Variants in NTRK2 observed in about 807,000 individuals in gnomAD.
NTRK2 encodes neurotrophic receptor tyrosine kinase 2.
A neutral mutation model predicts 94.5 loss-of-function variants in NTRK2; 13 were observed. The observed-to-expected ratio is 0.14, with a 90% CI of 0.09 to 0.22. The LOEUF (loss-of-function observed/expected upper bound fraction) is 0.22. Ranked by LOEUF, NTRK2 falls within the 10% of genes least tolerant of loss-of-function variation. The pLI is 1.00. For synonymous variants in NTRK2, 372 were observed against 407.4 expected (o/e 0.91, Z 1.05); for missense variants, 639 against 1,071.2 (o/e 0.60, Z 5.63).
intron 16 of NTRK2, among the ~76,000 whole-genome samples, chr9:84,949,624 T>G (rs780273990): frequency 1.3e-5 from 2 of 152,092 alleles, no homozygotes; most frequent in African/African-American, 2.4e-5. Context: ...TGTGCCACCA[T>G]GTCTGGTAAT....
chr9:84,773,767 T>G (rs528657208), intron 12 of NTRK2, among the ~76,000 whole-genome samples: 3 of 152,160 alleles, frequency 2.0e-5, no homozygotes, highest in Admixed American at 6.5e-5. Flanking sequence ...AAAGCATCTT[T>G]TTTTTCCCCT....
intron 12 of NTRK2, among the ~76,000 whole-genome samples, chr9:84,822,716 G>A (rs1390868264): frequency 1.3e-5 from 2 of 152,178 alleles, no homozygotes; most frequent in African/African-American, 4.8e-5. Context: ...TCAGCCATCA[G>A]AAGACTTCCT....
At chr9:84,882,697 A>AGTGTGTGTGTGTGTGT (rs71847053) in intron 14 of NTRK2, among the ~76,000 whole-genome samples, 3 of 149,706 alleles carry the variant, frequency 2.0e-5, no homozygotes, top group African/African-American at 7.4e-5. Context: ...CTTTTGTTCT[A>AGTGTGTGTGTGTGTGT]GTGTGTGTGT....
At chr9:84,919,517 G>A (rs1036310480) in intron 14 of NTRK2, among the ~76,000 whole-genome samples, 5 of 152,120 alleles carry the variant, frequency 3.3e-5, no homozygotes, top group Non-Finnish European at 7.4e-5. Context: ...ATGGGCCCTT[G>A]ACCTCTTTAA....
intron 14 of NTRK2, among the ~76,000 whole-genome samples, chr9:84,886,279 A>G (rs1245116692): frequency 1.3e-5 from 2 of 152,184 alleles, no homozygotes; most frequent in Non-Finnish European, 2.9e-5. Context: ...CATGAGGTTG[A>G]TGTTGTCTTC....
At chr9:84,866,757 T>C (rs1258220183) in intron 13 of NTRK2, among the ~76,000 whole-genome samples, 1 of 152,194 alleles carries the variant, frequency 6.6e-6, no homozygotes, top group East Asian at 1.9e-4. Context: ...TAAAAATTCG[T>C]ATATGAATGT....
chr9:84,889,052 G>A (rs960933138), intron 14 of NTRK2, among the ~76,000 whole-genome samples: 1 of 135,098 alleles, frequency 7.4e-6, no homozygotes, highest in Non-Finnish European at 1.5e-5. Flanking sequence ...GTGCAGTGGC[G>A]CGATCTCGGC....
chr9:84,814,086 G>A, intron 12 of NTRK2: 1 of 1,065,272 alleles, frequency 9.4e-7, no homozygotes. Flanking sequence ...TTCTCTCCCA[G>A]TCTCCCAGCA....
chr9:84,997,489 T>C (rs1394788923), intron 17 of NTRK2, among the ~76,000 whole-genome samples: 1 of 152,118 alleles, frequency 6.6e-6, no homozygotes, highest in East Asian at 1.9e-4. Context: ...ACTGACACAG[T>C]AACAGAATGG....
chr9:85,005,056 G>A (rs1830803390), intron 17 of NTRK2, among the ~76,000 whole-genome samples: 1 of 152,234 alleles, frequency 6.6e-6, no homozygotes, highest in South Asian at 2.1e-4. Flanking sequence ...TGAGGAACTG[G>A]GACCTTGAGG....
intron 12 of NTRK2, among the ~76,000 whole-genome samples, chr9:84,765,728 T>C (rs1367734940): frequency 6.6e-6 from 1 of 152,154 alleles, no homozygotes; most frequent in African/African-American, 2.4e-5. Flanking sequence ...TTCTCAAAGC[T>C]GGGGACACTT....
intron 13 of NTRK2, among the ~76,000 whole-genome samples, chr9:84,866,436 G>A (rs2075598399): frequency 6.6e-6 from 1 of 152,182 alleles, no homozygotes; most frequent in Non-Finnish European, 1.5e-5. Context: ...CCAAAGGGTA[G>A]AGAAAGGAAA....
intron 14 of NTRK2, among the ~76,000 whole-genome samples, chr9:84,871,148 A>G (rs914664705): frequency 6.6e-6 from 1 of 152,162 alleles, no homozygotes; most frequent in Non-Finnish European, 1.5e-5. Flanking sequence ...TCATAATGCA[A>G]TGTGATAGAC....
At chr9:84,812,450 G>A in intron 12 of NTRK2, 1 of 1,053,548 alleles carries the variant, frequency 9.5e-7, no homozygotes, top group Non-Finnish European at 1.1e-6. Context: ...CCCCCAATGT[G>A]GGGAGGTCCG....
At chr9:84,758,135 T>C (rs2065235867) in intron 12 of NTRK2, among the ~76,000 whole-genome samples, 1 of 151,802 alleles carries the variant, frequency 6.6e-6, no homozygotes, top group South Asian at 2.1e-4. Flanking sequence ...ATTATATATA[T>C]ATATTTATTT....
At chr9:84,787,113 C>G (rs1453289042) in intron 12 of NTRK2, among the ~76,000 whole-genome samples, 1 of 152,038 alleles carries the variant, frequency 6.6e-6, no homozygotes, top group African/African-American at 2.4e-5. Context: ...GCCTGACCAA[C>G]ATGGTGAAAC....
At chr9:84,873,586 G>T in intron 14 of NTRK2, 1 of 1,052,506 alleles carries the variant, frequency 9.5e-7, no homozygotes, top group Non-Finnish European at 1.1e-6. Context: ...ATCAAATAAT[G>T]CTTTAAAAAA....
At chr9:84,850,635 TAGAG>T (rs1279063609) in intron 12 of NTRK2, among the ~76,000 whole-genome samples, 1 of 152,122 alleles carries the variant, frequency 6.6e-6, no homozygotes, top group African/African-American at 2.4e-5. Context: ...CCCCACCCAA[TAGAG>T]AGGAACTCAG....
At chr9:84,841,697 C>T (rs1160143055) in intron 12 of NTRK2, among the ~76,000 whole-genome samples, 2 of 152,190 alleles carry the variant, frequency 1.3e-5, no homozygotes, top group Admixed American at 1.3e-4. Context: ...GTCCCTCCTC[C>T]CACCTTACTT....
Sources: gnomAD v4.1 joint callset for allele counts (sites outside exome capture counted in the v4.1 genomes callset) on GRCh38, gnomAD v4.1.1 for gene constraint, MANE v1.5 for transcripts, NCBI Gene and HGNC (gene_info 2026-07-23, HGNC 2026-07-21) for gene names.